The following GRM7 variants were observed in gnomAD, a reference collection of about 807,000 sequenced individuals.
GRM7 encodes the protein glutamate metabotropic receptor 7.
GRM7 carries 35 observed loss-of-function variants against 84.5 expected under a neutral mutation model. That is an observed-to-expected ratio of 0.41 (90% CI 0.32 to 0.55). The LOEUF is 0.55. Ranked by LOEUF, GRM7 falls within the 20% of genes least tolerant of loss-of-function variation. The pLI is 0.19. For synonymous variants in GRM7, 487 were observed against 455.1 expected (o/e 1.07, Z -0.89); for missense variants, 1,003 against 1,194.6 (o/e 0.84, Z 2.36).
intron 8 of GRM7, among the ~76,000 whole-genome samples, chr3:7,649,160 C>T (rs1352990134): frequency 2.0e-5 from 3 of 151,866 alleles, no homozygotes; most frequent in Admixed American, 6.6e-5. Context: ...AGCTCCGCCT[C>T]CCGGGTTCAC....
chr3:7,493,534 A>G lies in GRM7; in HGVS notation c.1515+31812A>G, dbSNP rs1331625054. ...ATGTTTACATGGTATATCTTTTTGC[A>G]TCTTGTTTACCTTCAACCTAACTAG... is the stretch of plus-strand genomic sequence containing the variant. On this transcript the variant is annotated intron_variant, in intron 7 of 9. Transcript: ENST00000357716. Among the ~76,000 whole-genome samples the G allele has an allele frequency of 2.6e-5, 4 of 151,838 alleles. No homozygotes were observed. In the East Asian group the frequency reaches 5.8e-4, roughly 22 times the overall value.
chr3:7,033,241 T>C (rs1297950954), intron 1 of GRM7, among the ~76,000 whole-genome samples: 1 of 152,146 alleles, frequency 6.6e-6, no homozygotes, highest in Non-Finnish European at 1.5e-5. Flanking sequence ...AGGTCCACCT[T>C]AATCTAGTAT....
At chr3:7,648,654 G>C (rs1007349233) in intron 8 of GRM7, among the ~76,000 whole-genome samples, 1 of 130,142 alleles carries the variant, frequency 7.7e-6, no homozygotes, top group South Asian at 2.5e-4. Flanking sequence ...GTCTCAAAAA[G>C]AAAAAAAAAA....
intron 1 of GRM7, among the ~76,000 whole-genome samples, chr3:6,880,624 T>C (rs2124961512): frequency 6.6e-6 from 1 of 152,024 alleles, no homozygotes; most frequent in East Asian, 1.9e-4. Context: ...CCAAAATGCC[T>C]TTGAGCAAAT....
chr3:7,585,241 TTTCC>T (rs2125058504), intron 8 of GRM7, among the ~76,000 whole-genome samples: 5 of 152,312 alleles, frequency 3.3e-5, no homozygotes, highest in African/African-American at 1.2e-4. Context: ...TATGAAACTA[TTTCC>T]TTTCTGTTGC....
In GRM7 at chr3:7,494,255, A is replaced by T. The variant is rs533777109; in HGVS notation, c.1515+32533A>T. Among the ~76,000 whole-genome samples, 13 of 152,280 alleles carry T rather than the reference A, an allele frequency of 8.5e-5. No homozygotes were observed. The South Asian group carries it at 1.9e-3, about 22-fold the overall frequency. ...GGTAGTTGCGCTGGATATAGACTTTACAGTGAGCAGTTATCTTCTTTCAGA... is the reference window on the plus strand; with the variant it reads ...GGTAGTTGCGCTGGATATAGACTTTTCAGTGAGCAGTTATCTTCTTTCAGA... On this transcript the variant is annotated intron_variant, in intron 7 of 9. Coordinates refer to ENST00000357716, the MANE Select transcript of GRM7 (RefSeq NM_000844.4).
At chr3:7,299,719 A>G (rs1327986307) in intron 3 of GRM7, among the ~76,000 whole-genome samples, 3 of 150,508 alleles carry the variant, frequency 2.0e-5, no homozygotes, top group Non-Finnish European at 4.4e-5. Flanking sequence ...CATGGAGATC[A>G]CTGAATATTA....
At chr3:7,014,242 C>A (rs540320967) in intron 1 of GRM7, among the ~76,000 whole-genome samples, 78 of 152,294 alleles carry the variant, frequency 5.1e-4, no homozygotes, top group Non-Finnish European at 9.3e-4. Context: ...CTACCCTAGA[C>A]TTTCTTGCTT....
At chr3:7,571,156 T>A (rs1468594995) in intron 7 of GRM7, among the ~76,000 whole-genome samples, 1 of 152,200 alleles carries the variant, frequency 6.6e-6, no homozygotes, top group Non-Finnish European at 1.5e-5. Flanking sequence ...CAAGAAGACC[T>A]CTGACATGCC....
intron 1 of GRM7, among the ~76,000 whole-genome samples, chr3:6,951,312 T>C (rs1692752064): frequency 6.6e-6 from 1 of 152,164 alleles, no homozygotes; most frequent in African/African-American, 2.4e-5. Context: ...ATTATTTTTT[T>C]CTTCAGCTTA....
intron 4 of GRM7, among the ~76,000 whole-genome samples, chr3:7,326,503 C>T (rs10510358): frequency 0.43 from 64,509 of 151,750 alleles, 13,780 homozygotes; most frequent in Middle Eastern, 0.49. Context: ...AAGCACCCTA[C>T]GTATCAAGAG....
intron 7 of GRM7, among the ~76,000 whole-genome samples, chr3:7,531,365 G>A (rs1413589662): frequency 6.6e-6 from 1 of 151,164 alleles, no homozygotes; most frequent in African/African-American, 2.4e-5. Flanking sequence ...TATATTAGCG[G>A]GATGGGGATA....
chr3:7,219,720 A>G (rs1696736207), intron 2 of GRM7, among the ~76,000 whole-genome samples: 1 of 152,224 alleles, frequency 6.6e-6, no homozygotes, highest in African/African-American at 2.4e-5. Context: ...GCAGGCCTAA[A>G]GCAGGTATAC....
Position 7,658,222 on chromosome 3 carries a change from T to C in GRM7, c.2452-21827T>C, listed in dbSNP as rs558712257. ...TTGATGGATATCATGGTTAATTTTA[T>C]AAGACAAATTCAATACACTGCTAAT... On this transcript the variant is annotated intron_variant, in intron 8 of 9. Coordinates refer to ENST00000357716, the MANE Select transcript of GRM7 (RefSeq NM_000844.4). Among the ~76,000 whole-genome samples, 18 of 152,324 alleles carry C rather than the reference T, an allele frequency of 1.2e-4. No homozygotes were observed. In the South Asian group the frequency reaches 3.7e-3, roughly 32 times the overall value.
intron 2 of GRM7, among the ~76,000 whole-genome samples, chr3:7,291,837 T>A (rs1699639752): frequency 6.6e-6 from 1 of 152,090 alleles, no homozygotes; most frequent in Non-Finnish European, 1.5e-5. Flanking sequence ...CCTCTTGAAT[T>A]GTAGCTCCCA....
At chr3:7,342,930 C>T (rs911397390) in intron 4 of GRM7, among the ~76,000 whole-genome samples, 2 of 152,106 alleles carry the variant, frequency 1.3e-5, no homozygotes, top group African/African-American at 4.8e-5. Flanking sequence ...GTATAGTTAA[C>T]CTCTCTTAGG....
intron 2 of GRM7, among the ~76,000 whole-genome samples, chr3:7,243,061 G>C (rs1180856135): frequency 6.6e-6 from 1 of 152,086 alleles, no homozygotes; most frequent in Non-Finnish European, 1.5e-5. Context: ...TCATGTCATG[G>C]CAAAGATAGA....
chr3:7,017,518 C>T (rs1695609640), intron 1 of GRM7, among the ~76,000 whole-genome samples: 1 of 152,178 alleles, frequency 6.6e-6, no homozygotes, highest in African/African-American at 2.4e-5. Context: ...GTCTTAGATG[C>T]TCAGAAGTAA....
At chr3:6,871,550 A>T (rs1695120446) in intron 1 of GRM7, among the ~76,000 whole-genome samples, 2 of 151,766 alleles carry the variant, frequency 1.3e-5, no homozygotes, top group Admixed American at 1.3e-4. Context: ...GGGAAATTTT[A>T]TCTCGTAGGT....
Sources: gnomAD v4.1 joint callset for allele counts (sites outside exome capture counted in the v4.1 genomes callset) on GRCh38, gnomAD v4.1.1 for gene constraint, MANE v1.5 for transcripts, NCBI Gene and HGNC (gene_info 2026-07-23, HGNC 2026-07-21) for gene names.